Variants in DPYD observed in about 807,000 individuals in gnomAD.
DPYD encodes dihydropyrimidine dehydrogenase [NADP(+)].
A neutral mutation model predicts 116.2 loss-of-function variants in DPYD; 109 were observed. The observed-to-expected ratio is 0.94, with a 90% CI of 0.80 to 1.10. DPYD has a LOEUF of 1.10. Ranked by LOEUF, DPYD falls within the 50% of genes least tolerant of loss-of-function variation. The pLI, the probability that DPYD is intolerant of heterozygous loss-of-function variation, is 0.00. For missense variants in DPYD, 1,302 were observed against 1,254.5 expected (o/e 1.04, Z -0.57); for synonymous variants, 440 against 432.0 (o/e 1.02, Z -0.23).
At chr1:97,158,179 C>T (rs1655625127) in intron 20 of DPYD, among the ~76,000 whole-genome samples, 1 of 152,100 alleles carries the variant, frequency 6.6e-6, no homozygotes, top group Non-Finnish European at 1.5e-5. Context: ...AAGTCCAATT[C>T]CCCAGGGCTT....
At chr1:97,414,310 A>G (rs1297953469) in intron 14 of DPYD, among the ~76,000 whole-genome samples, 1 of 152,198 alleles carries the variant, frequency 6.6e-6, no homozygotes, top group Non-Finnish European at 1.5e-5. Flanking sequence ...GACAATTTCC[A>G]TTCAAGGACT....
intron 19 of DPYD, among the ~76,000 whole-genome samples, chr1:97,224,988 ACTATCTGTCTGTCTGTCTAT>A (rs1661021642): frequency 6.8e-6 from 1 of 147,476 alleles, no homozygotes. Context: ...GATCTATCTA[ACTATCTGTCTGTCTGTCTAT>A]CTATCTATCT....
At chr1:97,549,791 A>T (rs773046127) in intron 11 of DPYD, 47 bp from the exon 12 acceptor site, 16 of 1,497,512 alleles carry the variant, frequency 1.1e-5, no homozygotes, top group Non-Finnish European at 1.4e-5. Context: ...GTCAACAGAC[A>T]ATTCCATAAC....
intron 10 of DPYD, among the ~76,000 whole-genome samples, chr1:97,581,006 G>A (rs943806380): frequency 2.6e-5 from 4 of 152,022 alleles, no homozygotes; most frequent in Non-Finnish European, 4.4e-5. Flanking sequence ...CACTTTATGG[G>A]GAAGTACACA....
At chr1:97,185,325 G>A (rs893198118) in intron 20 of DPYD, among the ~76,000 whole-genome samples, 1 of 152,054 alleles carries the variant, frequency 6.6e-6, no homozygotes, top group Middle Eastern at 3.2e-3. Flanking sequence ...TAAAAAGACT[G>A]AGAATATCAA....
At chr1:97,308,589 G>T (rs1667301373) in intron 16 of DPYD, among the ~76,000 whole-genome samples, 1 of 151,770 alleles carries the variant, frequency 6.6e-6, no homozygotes, top group African/African-American at 2.4e-5. Context: ...ATCATGAAAT[G>T]AATCTATATA....
intron 18 of DPYD, among the ~76,000 whole-genome samples, chr1:97,282,399 T>A (rs774277008): frequency 2.2e-4 from 33 of 152,218 alleles, no homozygotes; most frequent in Non-Finnish European, 4.4e-4. Context: ...TCCTTTACCA[T>A]TTTCTCTTTT....
At chr1:97,375,751 T>C (rs1557667525) in intron 15 of DPYD, among the ~76,000 whole-genome samples, 1 of 152,244 alleles carries the variant, frequency 6.6e-6, no homozygotes, top group Non-Finnish European at 1.5e-5. Context: ...TGTCATGCGG[T>C]AATTACCAGC....
intron 18 of DPYD, among the ~76,000 whole-genome samples, chr1:97,260,556 A>G (rs186644744): frequency 6.6e-6 from 1 of 152,244 alleles, no homozygotes; most frequent in Non-Finnish European, 1.5e-5. Flanking sequence ...CAATTGAAAA[A>G]TATTTGTGTA....
chr1:97,797,929 A>G (rs1321140375), intron 3 of DPYD: 1 of 152,118 alleles, frequency 6.6e-6, no homozygotes, highest in Non-Finnish European at 1.5e-5. Flanking sequence ...GGCAAAGTTA[A>G]TAGTAACTAG....
chr1:97,382,562 A>G (rs1472356456), intron 14 of DPYD, 101 bp from the exon 15 acceptor site: 1 of 646,046 alleles, frequency 1.5e-6, no homozygotes, highest in African/African-American at 1.9e-5. Flanking sequence ...AAACTATATT[A>G]TAAAATTAGT....
chr1:97,333,517 A>ATTTTTTTTTTTTT (rs778577478), intron 16 of DPYD, among the ~76,000 whole-genome samples: 15 of 97,050 alleles, frequency 1.5e-4, no homozygotes, highest in African/African-American at 2.5e-4. Flanking sequence ...AAGTCTTAGG[A>ATTTTTTTTTTTTT]TTTTTTTTTT....
intron 13 of DPYD, among the ~76,000 whole-genome samples, chr1:97,477,601 C>CTTT (rs1678042637): frequency 1.6e-5 from 2 of 124,474 alleles, no homozygotes; most frequent in Admixed American, 9.7e-5. Flanking sequence ...CATGACTGTT[C>CTTT]TTCTTTTTTT....
chr1:97,666,797 A>G (rs1015267750), intron 8 of DPYD, among the ~76,000 whole-genome samples: 4 of 152,144 alleles, frequency 2.6e-5, no homozygotes, highest in African/African-American at 9.7e-5. Context: ...CTCTTCTGCT[A>G]CCTATGTTGT....
chr1:97,323,023 T>G (rs1175409145), intron 16 of DPYD: 2 of 151,704 alleles, frequency 1.3e-5, no homozygotes, highest in Non-Finnish European at 2.9e-5. Context: ...TTTTCCTATA[T>G]TAGCTTTTTG....
chr1:97,802,741 G>C (rs1307357956), intron 3 of DPYD, among the ~76,000 whole-genome samples: 5 of 151,860 alleles, frequency 3.3e-5, no homozygotes, highest in Non-Finnish European at 5.9e-5. Context: ...GCCATTAAAA[G>C]TGTCAAATTT....
chr1:97,173,386 G>A (rs991277825), intron 20 of DPYD, among the ~76,000 whole-genome samples: 5 of 124,122 alleles, frequency 4.0e-5, no homozygotes, highest in South Asian at 2.6e-4. Flanking sequence ...GTGTATATAC[G>A]TACATATATG....
chr1:97,404,622 A>T (rs2101646145), intron 14 of DPYD, among the ~76,000 whole-genome samples: 1 of 152,096 alleles, frequency 6.6e-6, no homozygotes, highest in South Asian at 2.1e-4. Flanking sequence ...CTATCTTTAG[A>T]TTAGTGTTAG....
intron 18 of DPYD, among the ~76,000 whole-genome samples, chr1:97,242,871 ATATCATATATATC>A (rs900968958): frequency 1.3e-5 from 2 of 151,818 alleles, no homozygotes; most frequent in African/African-American, 4.8e-5. Flanking sequence ...TCTCACACAC[ATATCATATATATC>A]TATATAGTGA....
Sources: gnomAD v4.1 joint callset for allele counts (sites outside exome capture counted in the v4.1 genomes callset) on GRCh38, gnomAD v4.1.1 for gene constraint, MANE v1.5 for transcripts, NCBI Gene and HGNC (gene_info 2026-07-23, HGNC 2026-07-21) for gene names.